PTPRD: variants seen among roughly 807,000 people sequenced by gnomAD.
PTPRD encodes receptor-type tyrosine-protein phosphatase delta.
Under a neutral mutation model 214.5 loss-of-function variants are expected in PTPRD, and 34 were observed. The observed-to-expected ratio is 0.16, with a 90% CI of 0.12 to 0.21. The LOEUF (loss-of-function observed/expected upper bound fraction) is 0.21. Ranked by LOEUF, PTPRD falls within the 10% of genes least tolerant of loss-of-function variation. PTPRD has a pLI of 1.00. For synonymous variants in PTPRD, 1,128 were observed against 845.7 expected (o/e 1.33, Z -5.79); for missense variants, 2,545 against 2,398.7 (o/e 1.06, Z -1.27).
intron 11 of PTPRD, among the ~76,000 whole-genome samples, chr9:8,790,034 T>A (rs970395851): frequency 6.6e-6 from 1 of 152,156 alleles, no homozygotes; most frequent in Non-Finnish European, 1.5e-5. Flanking sequence ...TTCTTTTTTT[T>A]GAGACAGGGT....
intron 7 of PTPRD, among the ~76,000 whole-genome samples, chr9:9,671,156 T>G (rs1399940077): frequency 1.3e-5 from 2 of 152,124 alleles, no homozygotes; most frequent in African/African-American, 2.4e-5. Context: ...GGAAGCCACC[T>G]CTTGCATACA....
intron 5 of PTPRD, among the ~76,000 whole-genome samples, chr9:9,896,132 G>A (rs894355420): frequency 1.3e-5 from 2 of 151,920 alleles, no homozygotes; most frequent in Non-Finnish European, 2.9e-5. Context: ...GAAGGGAGCT[G>A]AAGTCTTCTC....
At chr9:8,797,831 T>G (rs117227095) in intron 11 of PTPRD, among the ~76,000 whole-genome samples, 3,798 of 152,212 alleles carry the variant, frequency 0.025, 63 homozygotes, top group Non-Finnish European at 0.037. Flanking sequence ...CTTTAGTGTC[T>G]AGAACAGGAC....
chr9:9,118,339 C>G (rs1044832528), intron 10 of PTPRD, among the ~76,000 whole-genome samples: 1 of 152,104 alleles, frequency 6.6e-6, no homozygotes, highest in Non-Finnish European at 1.5e-5. Context: ...GCGGAGTGAA[C>G]AGATATGATC....
intron 4 of PTPRD, among the ~76,000 whole-genome samples, chr9:9,986,895 ATT>A (rs5896358): frequency 4.7e-5 from 7 of 148,596 alleles, no homozygotes; most frequent in African/African-American, 1.8e-4. Flanking sequence ...TAGATTTCAT[ATT>A]TTTTTTTTAC....
intron 7 of PTPRD, among the ~76,000 whole-genome samples, chr9:9,694,031 T>A (rs2097324621): frequency 6.6e-6 from 1 of 152,212 alleles, no homozygotes; most frequent in East Asian, 1.9e-4. Flanking sequence ...TTGAGTTTCC[T>A]CAAAACAGCA....
chr9:10,610,888 G>A (rs1187189499), intron 2 of PTPRD, among the ~76,000 whole-genome samples: 1 of 151,958 alleles, frequency 6.6e-6, no homozygotes, highest in African/African-American at 2.4e-5. Context: ...CTACTTTTTT[G>A]TAATAATTGT....
chr9:9,438,898 T>C (rs948595509), intron 8 of PTPRD, among the ~76,000 whole-genome samples: 5 of 152,160 alleles, frequency 3.3e-5, no homozygotes, highest in African/African-American at 1.2e-4. Flanking sequence ...ATGTATCAAA[T>C]ATAAAATGGG....
intron 12 of PTPRD, among the ~76,000 whole-genome samples, chr9:8,717,532 T>G (rs1270800481): frequency 1.3e-5 from 2 of 152,184 alleles, no homozygotes; most frequent in Non-Finnish European, 2.9e-5. Flanking sequence ...TCCACATAGC[T>G]GCCAGTGACC....
intron 10 of PTPRD, among the ~76,000 whole-genome samples, chr9:9,128,932 A>G (rs981719878): frequency 4.6e-5 from 7 of 152,230 alleles, no homozygotes; most frequent in Admixed American, 1.3e-4. Flanking sequence ...CTCATTCCAA[A>G]TGGACTTATG....
intron 14 of PTPRD, among the ~76,000 whole-genome samples, chr9:8,607,076 A>T (rs1287989624): frequency 6.6e-6 from 1 of 152,202 alleles, no homozygotes; most frequent in Non-Finnish European, 1.5e-5. Flanking sequence ...AAGGATACAA[A>T]ATTTTGGTTA....
rs1216991853 is a variant in PTPRD, at chr9:9,384,846, G to A, written c.-203+12603C>T. On this transcript the variant is annotated intron_variant, in intron 9 of 45. Transcript: ENST00000381196. ...TGACTGTTGCAGAAAACACCCTTAT[G>A]GAATGAGACATTAGAAAAGAAAGTG... 2.6e-5 allele frequency among the ~76,000 whole-genome samples: 4 copies of A among 151,884 alleles called. No individual in the cohort carries two copies. The South Asian group carries it at 8.3e-4, about 31-fold the overall frequency.
intron 8 of PTPRD, among the ~76,000 whole-genome samples, chr9:9,570,027 T>A (rs1591825017): frequency 6.6e-6 from 1 of 151,604 alleles, no homozygotes; most frequent in East Asian, 1.9e-4. Flanking sequence ...TCCCATATAT[T>A]TTTTAGGGAA....
intron 8 of PTPRD, among the ~76,000 whole-genome samples, chr9:9,554,941 C>A (rs1285759105): frequency 1.3e-5 from 2 of 152,022 alleles, no homozygotes; most frequent in African/African-American, 4.8e-5. Context: ...TATACGTCTA[C>A]ATATTCTATA....
intron 8 of PTPRD, among the ~76,000 whole-genome samples, chr9:9,439,321 C>T (rs1218029641): frequency 6.6e-6 from 1 of 152,064 alleles, no homozygotes; most frequent in African/African-American, 2.4e-5. Context: ...ATAACATACT[C>T]TGATGAAGAT....
At chr9:8,907,197 GA>G (rs138975648) in intron 11 of PTPRD, among the ~76,000 whole-genome samples, 2 of 149,132 alleles carry the variant, frequency 1.3e-5, no homozygotes, top group Admixed American at 6.7e-5. Context: ...TAGCTCTCAG[GA>G]AAAAAAAATC....
At chr9:9,951,866 A>G (rs915454797) in intron 4 of PTPRD, among the ~76,000 whole-genome samples, 1 of 152,230 alleles carries the variant, frequency 6.6e-6, no homozygotes, top group African/African-American at 2.4e-5. Context: ...GGAGCAATGT[A>G]AAGACTAATA....
At chr9:10,143,255 C>T (rs2098999320) in intron 3 of PTPRD, among the ~76,000 whole-genome samples, 1 of 150,582 alleles carries the variant, frequency 6.6e-6, no homozygotes, top group Admixed American at 6.7e-5. Flanking sequence ...GCACATGTAT[C>T]CTAAAACTTA....
intron 4 of PTPRD, among the ~76,000 whole-genome samples, chr9:9,967,005 G>T (rs7022121): frequency 6.6e-6 from 1 of 152,004 alleles, no homozygotes; most frequent in Non-Finnish European, 1.5e-5. Context: ...AGGGACTACA[G>T]ATCACAGATA....
Sources: gnomAD v4.1 joint callset for allele counts (sites outside exome capture counted in the v4.1 genomes callset) on GRCh38, gnomAD v4.1.1 for gene constraint, MANE v1.5 for transcripts, NCBI Gene and HGNC (gene_info 2026-07-23, HGNC 2026-07-21) for gene names.